Variants in ABCA13 observed in about 807,000 individuals in gnomAD.
ABCA13 encodes the protein ATP binding cassette subfamily A member 13, also known as ATP-binding cassette sub-family A member 13.
Under a neutral mutation model 478.7 loss-of-function variants are expected in ABCA13, and 476 were observed. That is an observed-to-expected ratio of 0.99 (90% CI 0.92 to 1.07). The LOEUF is 1.07. Among genes scored for constraint, ABCA13 ranks in the 50% least tolerant of loss-of-function variants. ABCA13 has a pLI of 0.00. For missense variants in ABCA13, 6,060 were observed against 5,910.6 expected (o/e 1.03, Z -0.83); for synonymous variants, 2,252 against 2,158.9 (o/e 1.04, Z -1.20).
chr7:48,621,329 G>A (rs779773694), intron 59 of ABCA13, among the ~76,000 whole-genome samples: 1 of 152,026 alleles, frequency 6.6e-6, no homozygotes, highest in Admixed American at 6.5e-5. Flanking sequence ...ATCTTACCTC[G>A]TTCCAATTCA....
chr7:48,438,675 T>G (rs1181878816), intron 42 of ABCA13, among the ~76,000 whole-genome samples: 3 of 152,016 alleles, frequency 2.0e-5, no homozygotes, highest in Non-Finnish European at 4.4e-5. Context: ...TTTACCAGTT[T>G]CTTTACTGAT....
intron 2 of ABCA13, among the ~76,000 whole-genome samples, chr7:48,197,823 G>C (rs975594260): frequency 6.6e-6 from 1 of 152,120 alleles, no homozygotes; most frequent in South Asian, 2.1e-4. Flanking sequence ...TAAGCTTGAA[G>C]TTTTTTTGCC....
At chr7:48,537,288 G>C (rs1026136082) in intron 55 of ABCA13, among the ~76,000 whole-genome samples, 1 of 151,910 alleles carries the variant, frequency 6.6e-6, no homozygotes, top group African/African-American at 2.4e-5. Flanking sequence ...CAAATTATGA[G>C]GACTACCAAT....
Position 48,580,273 on chromosome 7 carries a change from T to TA in ABCA13, c.14405dup (p.Tyr4802Ter). The TA allele has an allele frequency of 6.2e-7, 1 of 1,612,058 alleles. No individual in the cohort carries two copies. Among genetic ancestry groups the TA allele is most frequent in the Non-Finnish European group, 8.5e-7 (1 of 1,179,184 alleles). ...SAGTAGVLIG[Y>*]CPQQDALDEL... is the part of the protein sequence containing the mutation. ...TGGCACGGCAGGCGTGCTCATTGGC[T>TA]ACTGTCCCCAGCAGGATGCCCTGGA... is the stretch of plus-strand genomic sequence containing the variant. The change falls in exon 56 of 62, where the codon TAC (tyrosine) becomes TAAC (stop). Residue 4802 changes from tyrosine to a stop codon, truncating the protein, a stop_gained and frameshift_variant. Transcript: ENST00000435803. LOFTEE classifies it high-confidence loss of function.
At chr7:48,243,273 C>G (rs997376749) in intron 10 of ABCA13, among the ~76,000 whole-genome samples, 2 of 152,258 alleles carry the variant, frequency 1.3e-5, no homozygotes, top group Admixed American at 1.3e-4. Context: ...CCAAGCCACA[C>G]AGCATTTCTT....
At chr7:48,636,012 T>C (rs1243182932) in intron 59 of ABCA13, among the ~76,000 whole-genome samples, 1 of 152,218 alleles carries the variant, frequency 6.6e-6, no homozygotes. Context: ...TATTTATATC[T>C]ATTTCATGCT....
intron 31 of ABCA13, 104 bp downstream of exon 31, chr7:48,352,591 G>A: frequency 7.5e-7 from 1 of 1,326,680 alleles, no homozygotes; most frequent in Non-Finnish European, 1.0e-6. Flanking sequence ...AAAAAGCACT[G>A]TTAAAAAAGT....
chr7:48,200,314 C>A (rs1309303288), intron 3 of ABCA13, among the ~76,000 whole-genome samples: 1 of 152,198 alleles, frequency 6.6e-6, no homozygotes, highest in East Asian at 1.9e-4. Context: ...TCGCAGTGAG[C>A]CAAGATTGCG....
chr7:48,378,660 C>T (rs117079366), intron 35 of ABCA13, among the ~76,000 whole-genome samples: 5 of 152,306 alleles, frequency 3.3e-5, no homozygotes, highest in East Asian at 1.9e-4. Context: ...CAATATGGCT[C>T]ATGATTAACA....
intron 15 of ABCA13, among the ~76,000 whole-genome samples, chr7:48,258,722 C>T (rs577645765): frequency 1.3e-5 from 2 of 152,206 alleles, no homozygotes; most frequent in South Asian, 4.2e-4. Context: ...AATTTTATAT[C>T]TTTCTAAATT....
chr7:48,210,905 T>C (rs1482727327), intron 3 of ABCA13, among the ~76,000 whole-genome samples: 3 of 152,190 alleles, frequency 2.0e-5, no homozygotes, highest in Non-Finnish European at 4.4e-5. Context: ...TGCTTTTCTG[T>C]TTAAATGATC....
intron 58 of ABCA13, among the ~76,000 whole-genome samples, chr7:48,596,567 T>C (rs1036311879): frequency 1.3e-5 from 2 of 152,152 alleles, no homozygotes; most frequent in South Asian, 2.1e-4. Context: ...TCCCAGCACG[T>C]TGGGAGGCCA....
At chr7:48,439,215 T>C (rs1348474394) in intron 42 of ABCA13, among the ~76,000 whole-genome samples, 1 of 152,136 alleles carries the variant, frequency 6.6e-6, no homozygotes, top group Non-Finnish European at 1.5e-5. Flanking sequence ...AAGAGTGCAT[T>C]TTTATCTAGA....
intron 55 of ABCA13, among the ~76,000 whole-genome samples, chr7:48,573,080 T>A (rs1241382503): frequency 6.6e-6 from 1 of 152,080 alleles, no homozygotes; most frequent in Non-Finnish European, 1.5e-5. Context: ...CTGATACTGG[T>A]ATTTTGTATC....
intron 59 of ABCA13, among the ~76,000 whole-genome samples, chr7:48,624,808 G>A (rs930018712): frequency 6.6e-6 from 1 of 152,158 alleles, no homozygotes; most frequent in Non-Finnish European, 1.5e-5. Context: ...GCCCGCCTCA[G>A]TCTCCCAAAG....
At chr7:48,302,612 C>A (rs138318219) in intron 23 of ABCA13, among the ~76,000 whole-genome samples, 146 of 152,246 alleles carry the variant, frequency 9.6e-4, no homozygotes, top group African/African-American at 3.4e-3. Context: ...TTTTCTGTTC[C>A]TGTGTTCATT....
At chr7:48,539,664 T>C (rs983775385) in intron 55 of ABCA13, among the ~76,000 whole-genome samples, 9 of 152,224 alleles carry the variant, frequency 5.9e-5, no homozygotes, top group Admixed American at 2.0e-4. Context: ...TTATCTCTTT[T>C]ACTTCTTAGA....
intron 38 of ABCA13, among the ~76,000 whole-genome samples, chr7:48,394,716 T>C (rs954878672): frequency 2.0e-5 from 3 of 152,182 alleles, no homozygotes; most frequent in Non-Finnish European, 2.9e-5. Flanking sequence ...CCATAAGTTA[T>C]TGGGGTACAG....
intron 42 of ABCA13, among the ~76,000 whole-genome samples, chr7:48,442,889 G>A (rs1823816963): frequency 6.6e-6 from 1 of 152,170 alleles, no homozygotes; most frequent in East Asian, 1.9e-4. Flanking sequence ...TGGCCTTCTA[G>A]CTGTGCGCTG....
Sources: allele counts gnomAD v4.1 joint callset (sites outside exome capture counted in the v4.1 genomes callset), GRCh38; gene constraint gnomAD v4.1.1; transcripts MANE v1.5; gene names NCBI Gene and HGNC (gene_info 2026-07-23, HGNC 2026-07-21).